The following LAMA2 variants were observed in gnomAD, a reference collection of about 807,000 sequenced individuals.
The protein encoded by LAMA2 is laminin subunit alpha-2.
Under a neutral mutation model 364.8 loss-of-function variants are expected in LAMA2, and 269 were observed. The observed-to-expected ratio is 0.74, with a 90% confidence interval of 0.67 to 0.82. LAMA2 has a LOEUF of 0.82. LAMA2 is among the 40% of genes least tolerant of loss of function. The pLI is 0.00. For synonymous variants in LAMA2, 1,379 were observed against 1,370.6 expected, an observed-to-expected ratio of 1.01 and a Z score of -0.14; for missense variants, 3,807 against 3,873.2, an observed-to-expected ratio of 0.98 and a Z score of 0.45.
At chr6:128,946,893 A>G (rs1044386504) in intron 1 of LAMA2, among the ~76,000 whole-genome samples, 2 of 152,212 alleles carry the variant, frequency 1.3e-5, no homozygotes, top group East Asian at 1.9e-4. Context: ...CAATTAATCT[A>G]TTTAAGAAGG....
chr6:129,351,224 G>A (rs563490360), intron 31 of LAMA2, among the ~76,000 whole-genome samples: 1 of 152,192 alleles, frequency 6.6e-6, no homozygotes, highest in African/African-American at 2.4e-5. Context: ...TTTATACACT[G>A]TAGTTACCAT....
intron 30 of LAMA2, among the ~76,000 whole-genome samples, chr6:129,346,255 A>G (rs997824263): frequency 3.9e-5 from 6 of 152,164 alleles, no homozygotes; most frequent in Admixed American, 1.3e-4. Flanking sequence ...ACTCCATTCT[A>G]TATAATGCCA....
intron 1 of LAMA2, among the ~76,000 whole-genome samples, chr6:129,046,149 T>G (rs10457514): frequency 3.9e-5 from 6 of 151,962 alleles, no homozygotes; most frequent in African/African-American, 1.5e-4. Flanking sequence ...TTACTACTTA[T>G]TTTTCTATAC....
At chr6:129,209,733 G>T (rs935870608) in intron 12 of LAMA2, among the ~76,000 whole-genome samples, 6 of 152,088 alleles carry the variant, frequency 3.9e-5, no homozygotes, top group Non-Finnish European at 7.4e-5. Flanking sequence ...GCCGGGCGCG[G>T]TGGCTCACGC....
At chr6:129,429,816 G>T (rs184387490) in intron 41 of LAMA2, among the ~76,000 whole-genome samples, 1 of 152,184 alleles carries the variant, frequency 6.6e-6, no homozygotes, top group South Asian at 2.1e-4. Context: ...ATAATACCAG[G>T]GCCGTGCCCT....
intron 38 of LAMA2, 85 bp downstream of exon 38, chr6:129,401,425 A>G (rs1779968438): frequency 1.1e-5 from 9 of 855,944 alleles, no homozygotes; most frequent in Middle Eastern, 2.2e-4. Flanking sequence ...AGCAAATACT[A>G]GTACTTGTTT....
chr6:129,015,160 C>T (rs1223505313), intron 1 of LAMA2, among the ~76,000 whole-genome samples: 1 of 152,006 alleles, frequency 6.6e-6, no homozygotes, highest in Non-Finnish European at 1.5e-5. Context: ...TGAATAGAGA[C>T]ATTAAGGAAA....
chr6:129,167,591 T>G (rs990690967), intron 9 of LAMA2, among the ~76,000 whole-genome samples: 17 of 152,188 alleles, frequency 1.1e-4, no homozygotes, highest in African/African-American at 3.6e-4. Context: ...TTCCAAGTCT[T>G]TGCTATTGTG....
rs1485402066 is a variant in LAMA2 at position 129,458,214 on chromosome 6, A to G, written c.6867+1720A>G. Among the ~76,000 whole-genome samples the G allele has an allele frequency of 2.0e-5, 3 of 152,088 alleles. No homozygotes were observed. In the East Asian group the frequency reaches 5.8e-4, roughly 29 times the overall value. ...CTCAACATCTTGCTTCACTGCCACA[A>G]TGAATAGTGAGACACACACTACCAT... On this transcript the variant is annotated intron_variant, in intron 48 of 64. Coordinates refer to ENST00000421865, the MANE Select transcript of LAMA2 (RefSeq NM_000426.4).
At chr6:128,895,800 G>A (rs559995694) in intron 1 of LAMA2, among the ~76,000 whole-genome samples, 6 of 152,108 alleles carry the variant, frequency 3.9e-5, no homozygotes, top group Non-Finnish European at 5.9e-5. Context: ...TGGAAGCACT[G>A]GATATCGTAT....
chr6:129,447,933 T>C (rs997280457), intron 45 of LAMA2, among the ~76,000 whole-genome samples: 5 of 152,194 alleles, frequency 3.3e-5, no homozygotes, highest in African/African-American at 1.2e-4. Flanking sequence ...TTTCCCCTCC[T>C]CACAAAACGG....
intron 3 of LAMA2, among the ~76,000 whole-genome samples, chr6:129,088,332 T>C (rs947400357): frequency 6.6e-6 from 1 of 151,854 alleles, no homozygotes; most frequent in East Asian, 1.9e-4. Context: ...TTTCTCTATC[T>C]TTTCCCCACA....
At chr6:129,200,676 G>A (rs927029505) in intron 12 of LAMA2, among the ~76,000 whole-genome samples, 1 of 151,844 alleles carries the variant, frequency 6.6e-6, no homozygotes, top group Non-Finnish European at 1.5e-5. Context: ...TAAAGAGTTA[G>A]GACTTACTTT....
chr6:128,913,338 C>G (rs1445696114), intron 1 of LAMA2, among the ~76,000 whole-genome samples: 1 of 152,078 alleles, frequency 6.6e-6, no homozygotes, highest in Admixed American at 6.6e-5. Flanking sequence ...ATTGATATAA[C>G]CAATCATTAT....
At chr6:129,247,271 G>GAA (rs1047205693) in intron 12 of LAMA2, among the ~76,000 whole-genome samples, 2 of 151,974 alleles carry the variant, frequency 1.3e-5, no homozygotes, top group African/African-American at 4.8e-5. Context: ...CCAACATGGC[G>GAA]AAATCCCATC....
chr6:129,248,986 G>T (rs1785972639), intron 12 of LAMA2, among the ~76,000 whole-genome samples: 2 of 152,146 alleles, frequency 1.3e-5, no homozygotes, highest in Non-Finnish European at 2.9e-5. Context: ...CTGAATTTAA[G>T]TTCCTTATAG....
At chr6:129,277,105 G>C (rs1384069684) in intron 17 of LAMA2, among the ~76,000 whole-genome samples, 1 of 152,072 alleles carries the variant, frequency 6.6e-6, no homozygotes, top group South Asian at 2.1e-4. Flanking sequence ...GAAAATGCCC[G>C]CTGCTCTTGG....
At chr6:129,230,078 A>G (rs1784587109) in intron 12 of LAMA2, among the ~76,000 whole-genome samples, 1 of 152,130 alleles carries the variant, frequency 6.6e-6, no homozygotes, top group Admixed American at 6.6e-5. Context: ...AAAATGAATA[A>G]CGAGACAAAA....
chr6:129,310,491 C>A (rs1774150812), intron 22 of LAMA2, among the ~76,000 whole-genome samples: 1 of 152,018 alleles, frequency 6.6e-6, no homozygotes, highest in Non-Finnish European at 1.5e-5. Context: ...AATAGAACAG[C>A]ACCAAAAAGA....
Sources: gnomAD v4.1 joint callset for allele counts (sites outside exome capture counted in the v4.1 genomes callset) on GRCh38, gnomAD v4.1.1 for gene constraint, MANE v1.5 for transcripts, NCBI Gene and HGNC (gene_info 2026-07-23, HGNC 2026-07-21) for gene names.